Variants in NUP93 observed in about 807,000 individuals in gnomAD.
NUP93 encodes the protein nucleoporin 93, also known as nuclear pore complex protein Nup93.
Under a neutral mutation model 107.8 loss-of-function variants are expected in NUP93, and 55 were observed. The observed-to-expected ratio is 0.51, with a 90% confidence interval of 0.41 to 0.64. The LOEUF (loss-of-function observed/expected upper bound fraction) is 0.64. NUP93 is among the 30% of genes least tolerant of loss of function. NUP93 has a pLI of 0.00. For missense variants in NUP93, 937 were observed against 1,044.7 expected (o/e 0.90, Z 1.42); for synonymous variants, 390 against 397.5 (o/e 0.98, Z 0.22).
At chr16:56,835,501 A>G (rs1963890328) in intron 16 of NUP93, among the ~76,000 whole-genome samples, 1 of 152,232 alleles carries the variant, frequency 6.6e-6, no homozygotes, top group Non-Finnish European at 1.5e-5. Context: ...GTGACAATCA[A>G]CAGGCATTGT....
chr16:56,773,739 G>T (rs1487743982), intron 3 of NUP93, among the ~76,000 whole-genome samples: 3 of 152,196 alleles, frequency 2.0e-5, no homozygotes, highest in Admixed American at 1.3e-4. Context: ...AGTGATAACA[G>T]AAGTCTACTG....
chr16:56,736,449 G>A (rs570330276), intron 1 of NUP93, among the ~76,000 whole-genome samples: 1 of 152,356 alleles, frequency 6.6e-6, no homozygotes, highest in African/African-American at 2.4e-5. Context: ...AGTAGCAATA[G>A]TTTGGATAAT....
intron 1 of NUP93, among the ~76,000 whole-genome samples, chr16:56,739,941 G>A (rs1161237935): frequency 1.7e-5 from 2 of 118,424 alleles, no homozygotes; most frequent in African/African-American, 7.3e-5. Context: ...CTGGCCGGGC[G>A]GGGGGCCGAC....
chr16:56,773,455 C>T (rs187024088), intron 3 of NUP93, among the ~76,000 whole-genome samples: 8 of 152,326 alleles, frequency 5.3e-5, no homozygotes, highest in Admixed American at 5.2e-4. Flanking sequence ...CCACTGATCT[C>T]ATCTCTGTCT....
intron 19 of NUP93, chr16:56,839,278 T>G (rs1963975215): frequency 5.9e-6 from 2 of 339,362 alleles, no homozygotes; most frequent in Non-Finnish European, 1.1e-5. Flanking sequence ...CCTTTCCCCT[T>G]TAATCTGAAA....
At chr16:56,737,668 T>A (rs1210320239) in intron 1 of NUP93, among the ~76,000 whole-genome samples, 1 of 152,162 alleles carries the variant, frequency 6.6e-6, no homozygotes, top group Non-Finnish European at 1.5e-5. Flanking sequence ...CTCATTGTGA[T>A]GTCTGTGAAA....
At chr16:56,837,771 C>A in intron 18 of NUP93, 45 bp downstream of exon 18, 1 of 1,443,494 alleles carries the variant, frequency 6.9e-7, no homozygotes, top group Non-Finnish European at 9.7e-7. Flanking sequence ...GTGCCACTGC[C>A]AGTGCCAGGC....
intron 3 of NUP93, among the ~76,000 whole-genome samples, chr16:56,773,764 T>A (rs1567383139): frequency 6.6e-6 from 1 of 152,160 alleles, no homozygotes; most frequent in East Asian, 1.9e-4. Flanking sequence ...TAAACCTGCT[T>A]TTCTAGGTGT....
intron 3 of NUP93, among the ~76,000 whole-genome samples, chr16:56,794,608 GAGAGAT>G (rs1962849491): frequency 6.7e-6 from 1 of 148,226 alleles, no homozygotes; most frequent in South Asian, 2.2e-4. Flanking sequence ...GAGAGAGAGA[GAGAGAT>G]GTGAACATGG....
rs1411976931 is a variant in NUP93 at position 56,849,596 on chromosome 16, G to A, written c.*4987G>A. The A allele has an allele frequency of 6.6e-6, 1 of 152,234 alleles. No homozygotes were observed. The highest frequency in any genetic ancestry group is 6.5e-5 in the Admixed American group (1 of 15,294). 9.4% of individuals were successfully genotyped at this position (152,234 alleles called of 1,614,324 possible). A position where few individuals can be genotyped will look rare whatever the true frequency, so the allele number is the denominator to read the frequency against. On this transcript the variant is annotated 3_prime_UTR_variant, in exon 22 of 22. Coordinates refer to ENST00000308159, the MANE Select transcript of NUP93 (RefSeq NM_014669.5). ...TCAGGTGGCACCCAGGGGCTTTATG[G>A]CCTGCAGGTAAGGCCCCTTCATCCG...
Position 56,798,383 on chromosome 16 carries a change from G to A in NUP93, c.298-93G>A. The A allele has an allele frequency of 3.9e-6, 4 of 1,017,602 alleles. No homozygotes were observed. In the South Asian group the frequency reaches 4.1e-5, roughly 10 times the overall value. 63.0% of individuals were successfully genotyped at this position (1,017,602 alleles called of 1,614,324 possible). ...AGTTTTGTGAGGTGTAGGTAGCATAGTAGATACCATTATGGTTATTGTTTG... is the reference window on the plus strand; with the variant it reads ...AGTTTTGTGAGGTGTAGGTAGCATAATAGATACCATTATGGTTATTGTTTG... On this transcript the variant is annotated intron_variant, in intron 3 of 21. Transcript: ENST00000308159.
At chr16:56,788,043 G>A (rs897158571) in intron 3 of NUP93, among the ~76,000 whole-genome samples, 5 of 152,084 alleles carry the variant, frequency 3.3e-5, no homozygotes, top group South Asian at 2.1e-4. Flanking sequence ...CTTTTCTTGC[G>A]TCTCCAAAGT....
rs1197372276 is a variant in NUP93, at chr16:56,821,512, C to T, written c.573C>T (p.Ile191=). Residue 191 remains isoleucine, a synonymous_variant, in exon 7 of 22, where the codon ATC becomes ATT. Transcript: ENST00000308159. ...GCTTTTTATCATTTCAGATTTATATCTATAATGAGAAAATTGTAAATGGAC... is the reference window on the plus strand; with the variant it reads ...GCTTTTTATCATTTCAGATTTATATTTATAATGAGAAAATTGTAAATGGAC... ...IEMAYARQIY[I]YNEKIVNGHL... is the part of the protein sequence containing the mutation. 2 of 1,605,184 alleles carry T rather than the reference C, an allele frequency of 1.2e-6. No homozygotes were observed. Among genetic ancestry groups the T allele is most frequent in the Non-Finnish European group, 1.7e-6 (2 of 1,172,152 alleles).
chr16:56,796,750 G>A (rs145521895), intron 3 of NUP93, among the ~76,000 whole-genome samples: 5 of 152,102 alleles, frequency 3.3e-5, no homozygotes, highest in African/African-American at 7.2e-5. Flanking sequence ...AGGCCAAGGC[G>A]GTTGGATCAC....
At chr16:56,793,279 T>G (rs1251622527) in intron 3 of NUP93, among the ~76,000 whole-genome samples, 3 of 152,140 alleles carry the variant, frequency 2.0e-5, no homozygotes, top group Admixed American at 6.5e-5. Flanking sequence ...GCAGATGTTT[T>G]GGGAGGTGTT....
intron 7 of NUP93, 64 bp from the exon 8 acceptor site, chr16:56,823,643 A>G: frequency 3.8e-6 from 6 of 1,584,960 alleles, no homozygotes; most frequent in Admixed American, 1.7e-5. Context: ...TCAGAGTGCC[A>G]CAAAGAACTA....
At chr16:56,842,723 T>C (rs1964050804) in intron 21 of NUP93, 1 of 392,940 alleles carries the variant, frequency 2.5e-6, no homozygotes, top group Non-Finnish European at 5.0e-6. Context: ...CAGCGGAGTT[T>C]TGTACTTTAT....
At chr16:56,758,695 ACCCAGGC>A (rs778258749) in intron 3 of NUP93, 40 bp downstream of exon 3, 1 of 1,435,032 alleles carries the variant, frequency 7.0e-7, no homozygotes, top group Non-Finnish European at 9.8e-7. Flanking sequence ...AGAGCATATA[ACCCAGGC>A]TGAAGACCCT....
intron 4 of NUP93, among the ~76,000 whole-genome samples, chr16:56,802,851 T>C (rs908805041): frequency 6.6e-6 from 1 of 152,246 alleles, no homozygotes; most frequent in Non-Finnish European, 1.5e-5. Context: ...CTTAAGCTGA[T>C]GGGAAACCTG....
Sources: gnomAD v4.1 joint callset for allele counts (sites outside exome capture counted in the v4.1 genomes callset) on GRCh38, gnomAD v4.1.1 for gene constraint, MANE v1.5 for transcripts, NCBI Gene and HGNC (gene_info 2026-07-23, HGNC 2026-07-21) for gene names.